The following TRIM37 variants were observed in gnomAD, a reference collection of about 807,000 sequenced individuals.
TRIM37 encodes the protein E3 ubiquitin-protein ligase TRIM37.
Under a neutral mutation model 129.8 loss-of-function variants are expected in TRIM37, and 80 were observed. The observed-to-expected ratio is 0.62, with a 90% confidence interval of 0.51 to 0.74. The LOEUF is 0.74. Ranked by LOEUF, TRIM37 falls within the 30% of genes least tolerant of loss-of-function variation. TRIM37 has a pLI of 0.00. For synonymous variants in TRIM37, 389 were observed against 387.1 expected, an observed-to-expected ratio of 1.00 and a Z score of -0.06; for missense variants, 1,054 against 1,176.5, an observed-to-expected ratio of 0.90 and a Z score of 1.52.
At chr17:59,056,128 T>C (rs2040844270) in intron 13 of TRIM37, among the ~76,000 whole-genome samples, 1 of 152,154 alleles carries the variant, frequency 6.6e-6, no homozygotes, top group Non-Finnish European at 1.5e-5. Context: ...GATTTCCAAA[T>C]GGTGAGGTCA....
chr17:59,105,832 GATA>G (rs1180884057), intron 1 of TRIM37, among the ~76,000 whole-genome samples: 1 of 152,156 alleles, frequency 6.6e-6, no homozygotes, highest in African/African-American at 2.4e-5. Flanking sequence ...TTCAAAATTT[GATA>G]ATGATTACAC....
At chr17:59,057,524 T>C (rs753074344) in intron 12 of TRIM37, among the ~76,000 whole-genome samples, 3 of 151,940 alleles carry the variant, frequency 2.0e-5, no homozygotes, top group Non-Finnish European at 4.4e-5. Context: ...AGAGCAGTAT[T>C]TTTTTGTTTG....
intron 5 of TRIM37, 65 bp from the exon 6 acceptor site, chr17:59,081,284 A>G: frequency 1.3e-6 from 2 of 1,587,314 alleles, no homozygotes; most frequent in Non-Finnish European, 8.6e-7. Context: ...ATTCCTTTGT[A>G]ACACTCTATG....
rs1295832053 is a variant in TRIM37 at position 59,042,450 on chromosome 17, ATAT to A, written c.1668-555_1668-553del. Reference sequence around the variant, plus strand: ...GGAATTTAAAAAAAAAAAAAAAAAAATATATATATATATATATATATATATCTC... The same window carrying A: ...GGAATTTAAAAAAAAAAAAAAAAAAAATATATATATATATATATATATCTC... On this transcript the variant is annotated intron_variant, in intron 16 of 23. Transcript: ENST00000262294. Among the ~76,000 whole-genome samples the A allele has an allele frequency of 6.7e-3, 239 of 35,810 alleles. 1 individual carries two copies. The highest frequency in any genetic ancestry group is 0.018 in the African/African-American group (214 of 11,658). The allele number at this position is 35,810 out of a possible 152,430, so 23.5% of individuals were successfully genotyped here. A position where few individuals can be genotyped will look rare whatever the true frequency, so the allele number is the denominator to read the frequency against.
chr17:59,012,359 T>C lies in TRIM37; in HGVS notation c.2664A>G (p.Leu888=), dbSNP rs1327681618. The C allele has an allele frequency of 2.5e-6, 4 of 1,612,844 alleles. No individual in the cohort carries two copies. The highest frequency in any genetic ancestry group is 3.4e-6 in the Non-Finnish European group (4 of 1,179,550). The change falls in exon 22 of 24, where the codon CTA becomes CTG. Residue 888 remains leucine, a synonymous_variant. Transcript: ENST00000262294. ...CAGGGGCAGCTGAAGCTCCTTCAGG[T>C]AGTACAGGCTGTAACTCTCCAGTTT... ...NSETGELQPV[L]PEGASAAPEE... is the part of the protein sequence containing the mutation.
At chr17:58,980,716 G>A (rs756108762), downstream of TRIM37, 8 of 1,614,052 alleles carry the variant, frequency 5.0e-6, no homozygotes, top group East Asian at 1.8e-4. The surrounding 1 kb of genome is among the most constrained non-coding windows in gnomAD (Gnocchi z 4.7). Context: ...TCTGTTCAGG[G>A]TTGGAAAATG....
chr17:59,105,360 TGTTGACGGTA>T (rs746015575), intron 1 of TRIM37, among the ~76,000 whole-genome samples: 1 of 152,138 alleles, frequency 6.6e-6, no homozygotes, highest in Non-Finnish European at 1.5e-5. Flanking sequence ...CAATTGAAAA[TGTTGACGGTA>T]GTTCAAAGCG....
downstream of TRIM37, among the ~76,000 whole-genome samples, chr17:58,979,003 C>G (rs2031199475): frequency 6.6e-6 from 1 of 152,154 alleles, no homozygotes; most frequent in African/African-American, 2.4e-5. Flanking sequence ...TCTGCCTTTG[C>G]TTATCCTGTT....
At chr17:59,019,108 A>G (rs2036281207) in intron 19 of TRIM37, among the ~76,000 whole-genome samples, 1 of 152,226 alleles carries the variant, frequency 6.6e-6, no homozygotes, top group Non-Finnish European at 1.5e-5. Flanking sequence ...AGTTCCTCAA[A>G]AAGTTAAACA....
chr17:59,047,428 G>A (rs1177197476), intron 16 of TRIM37, among the ~76,000 whole-genome samples: 1 of 152,128 alleles, frequency 6.6e-6, no homozygotes, highest in Non-Finnish European at 1.5e-5. Flanking sequence ...TATTCATAGG[G>A]AATGAATCTG....
chr17:59,039,031 C>T (rs1235102914), intron 17 of TRIM37, among the ~76,000 whole-genome samples: 1 of 152,158 alleles, frequency 6.6e-6, no homozygotes, highest in Non-Finnish European at 1.5e-5. Context: ...GGCCCGTATA[C>T]AGAGGCTGAG....
chr17:59,035,326 G>A (rs900887291), intron 17 of TRIM37, among the ~76,000 whole-genome samples: 1 of 152,002 alleles, frequency 6.6e-6, no homozygotes, highest in Non-Finnish European at 1.5e-5. Context: ...CTCCCAAAGT[G>A]CTGGGATTAG....
At chr17:58,987,921 C>T (rs886195962) in intron 24 of TRIM37, among the ~76,000 whole-genome samples, 1 of 152,140 alleles carries the variant, frequency 6.6e-6, no homozygotes, top group Admixed American at 6.5e-5. Flanking sequence ...GCTTCCACTC[C>T]GGGATGTAGG....
intron 9 of TRIM37, among the ~76,000 whole-genome samples, chr17:59,069,053 T>C (rs1258172118): frequency 6.6e-6 from 1 of 152,120 alleles, no homozygotes; most frequent in Non-Finnish European, 1.5e-5. Flanking sequence ...TATACTCTAG[T>C]ACAATGAATG....
chr17:59,068,294 A>C (rs1035986382), intron 9 of TRIM37, among the ~76,000 whole-genome samples: 6 of 152,208 alleles, frequency 3.9e-5, no homozygotes, highest in African/African-American at 1.2e-4. Flanking sequence ...GTGCAGTATT[A>C]TTACTTAGAG....
At chr17:59,053,112 C>A (rs1696005630) in intron 13 of TRIM37, among the ~76,000 whole-genome samples, 1 of 152,126 alleles carries the variant, frequency 6.6e-6, no homozygotes, top group South Asian at 2.1e-4. Context: ...TAAAGTAAGA[C>A]CGTCTAAACA....
intron 17 of TRIM37, among the ~76,000 whole-genome samples, chr17:59,037,325 A>G (rs763286835): frequency 5.7e-4 from 87 of 151,840 alleles, no homozygotes; most frequent in Non-Finnish European, 9.3e-4. Context: ...TTGGGAGGCC[A>G]AGGAGGGCAG....
intron 19 of TRIM37, among the ~76,000 whole-genome samples, chr17:59,018,985 A>T (rs1261041289): frequency 6.6e-6 from 1 of 152,174 alleles, no homozygotes; most frequent in Non-Finnish European, 1.5e-5. Flanking sequence ...TGGGCAAGGA[A>T]AAAAAGAGGG....
intron 4 of TRIM37, among the ~76,000 whole-genome samples, chr17:59,086,153 T>A (rs976113695): frequency 7.2e-5 from 11 of 152,154 alleles, no homozygotes; most frequent in South Asian, 6.2e-4. Context: ...TAAAAAATGA[T>A]TAAGATGGTA....
Sources: allele counts gnomAD v4.1 joint callset (sites outside exome capture counted in the v4.1 genomes callset), GRCh38; gene constraint gnomAD v4.1.1; non-coding constraint Gnocchi (gnomAD v3.1); transcripts MANE v1.5; gene names NCBI Gene and HGNC (gene_info 2026-07-23, HGNC 2026-07-21).